TBPL1: variants seen among roughly 807,000 people sequenced by gnomAD.
The protein encoded by TBPL1 is TATA-box binding protein like 1.
In TBPL1, 4 loss-of-function variants were observed where a neutral mutation model predicts 22.1. The observed-to-expected ratio is 0.18, with a 90% CI of 0.09 to 0.41. The LOEUF is 0.41. Among genes scored for constraint, TBPL1 ranks in the 10% least tolerant of loss-of-function variants. The pLI is 1.00. For missense variants in TBPL1, 115 were observed against 222.3 expected (o/e 0.52, Z 3.07); for synonymous variants, 64 against 71.0 (o/e 0.90, Z 0.50).
intron 1 of TBPL1, among the ~76,000 whole-genome samples, chr6:133,967,339 G>A (rs983391072): frequency 3.9e-5 from 6 of 152,088 alleles, no homozygotes; most frequent in African/African-American, 9.7e-5. Context: ...TAGATTAAGC[G>A]GGCAAAAGGT....
chr6:133,956,533 A>C (rs1193165478), intron 1 of TBPL1, among the ~76,000 whole-genome samples: 3 of 151,314 alleles, frequency 2.0e-5, no homozygotes, highest in Non-Finnish European at 4.4e-5. Flanking sequence ...CTAAACTAGA[A>C]GTTTCTTGAG....
intron 1 of TBPL1, among the ~76,000 whole-genome samples, chr6:133,972,469 C>CAGT (rs1253855967): frequency 6.6e-6 from 1 of 152,158 alleles, no homozygotes; most frequent in Non-Finnish European, 1.5e-5. Context: ...TGGGCTTGTC[C>CAGT]AGTAATCAGC....
chr6:133,967,088 C>T (rs986714640), intron 1 of TBPL1, among the ~76,000 whole-genome samples: 1 of 152,198 alleles, frequency 6.6e-6, no homozygotes, highest in Non-Finnish European at 1.5e-5. Context: ...CTTTTCTCAC[C>T]GTAGCCATGC....
chr6:133,984,800 C>A (rs997909143), intron 6 of TBPL1, 129 bp downstream of exon 6: 1 of 737,654 alleles, frequency 1.4e-6, no homozygotes, highest in East Asian at 2.7e-5. Context: ...AACCAGTCTC[C>A]TGACTTTTAA....
intron 6 of TBPL1, among the ~76,000 whole-genome samples, chr6:133,985,048 G>A (rs1776482761): frequency 6.6e-6 from 1 of 151,662 alleles, no homozygotes; most frequent in Admixed American, 6.6e-5. Flanking sequence ...GGAAGGCTGA[G>A]GCGGGCTTAT....
intron 2 of TBPL1, among the ~76,000 whole-genome samples, chr6:133,982,087 A>G (rs930397427): frequency 6.6e-6 from 1 of 152,222 alleles, no homozygotes; most frequent in African/African-American, 2.4e-5. Flanking sequence ...CAATGAAGGG[A>G]TGGGTGTTTC....
chr6:133,966,864 G>T (rs911265946), intron 1 of TBPL1, among the ~76,000 whole-genome samples: 32 of 152,186 alleles, frequency 2.1e-4, no homozygotes, highest in African/African-American at 7.5e-4. Context: ...TGCCTGGACT[G>T]CTGTGCTACC....
chr6:133,986,694 A>G lies in TBPL1; in HGVS notation c.482-267A>G, dbSNP rs183217511. Among the ~76,000 whole-genome samples, 368 of 152,238 alleles carry G rather than the reference A, an allele frequency of 2.4e-3. 2 individuals carry two copies. Among genetic ancestry groups the G allele is most frequent in the Admixed American group, 4.9e-3 (75 of 15,276 alleles). On this transcript the variant is annotated intron_variant, in intron 6 of 6. Coordinates refer to ENST00000237264, the MANE Select transcript of TBPL1 (RefSeq NM_004865.4). ...TACATATTATATTACAGTGCTTTTT[A>G]TATTAGTCCATGATAGTTTGTATGC...
intron 4 of TBPL1, among the ~76,000 whole-genome samples, chr6:133,983,223 A>G (rs1207887615): frequency 6.6e-6 from 1 of 152,254 alleles, no homozygotes; most frequent in Non-Finnish European, 1.5e-5. Context: ...CAGAATGGTG[A>G]ATAGAGAATG....
intron 1 of TBPL1, among the ~76,000 whole-genome samples, chr6:133,958,785 A>C (rs915124072): frequency 6.6e-6 from 1 of 152,142 alleles, no homozygotes; most frequent in African/African-American, 2.4e-5. Flanking sequence ...AAAATATATT[A>C]TTAAAAGCAT....
rs1776591192 is a variant in TBPL1 at position 133,989,591 on chromosome 6, G to T, written c.*2551G>T. The T allele has an allele frequency of 6.6e-6, 1 of 152,078 alleles. No individual in the cohort carries two copies. The highest frequency in any genetic ancestry group is 2.4e-5 in the African/African-American group (1 of 41,408). 9.4% of individuals were successfully genotyped at this position (152,078 alleles called of 1,614,324 possible). ...TTTGCGTATGAAATACACCATGATA[G>T]AATTGAGATCTCCAATCTCCTTTCC... On this transcript the variant is annotated 3_prime_UTR_variant, in exon 7 of 7. Coordinates refer to ENST00000237264, the MANE Select transcript of TBPL1 (RefSeq NM_004865.4).
At position 133,970,827 on chromosome 6, in the gene TBPL1, T is replaced by G. The variant is rs182192770; in HGVS notation, c.-44-9255T>G. Among the ~76,000 whole-genome samples the G allele has an allele frequency of 3.9e-5, 6 of 152,204 alleles. No individual in the cohort carries two copies. The East Asian group carries it at 1.2e-3, about 29-fold the overall frequency. On this transcript the variant is annotated intron_variant, in intron 1 of 6. Transcript: ENST00000237264. ...TGTTGCCCAGGCTGGTTTTTTATTT[T>G]TTAATTGACACATGATTGTACATAT...
chr6:133,977,845 G>A (rs1776341170), intron 1 of TBPL1, among the ~76,000 whole-genome samples: 1 of 152,196 alleles, frequency 6.6e-6, no homozygotes, highest in African/African-American at 2.4e-5. Context: ...TGCAAAATTG[G>A]CTACTTGAGC....
chr6:133,971,889 A>G (rs1331256364), intron 1 of TBPL1, among the ~76,000 whole-genome samples: 2 of 152,164 alleles, frequency 1.3e-5, no homozygotes, highest in South Asian at 2.1e-4. Flanking sequence ...TTGGCTTTTC[A>G]CCCTGTTAAT....
chr6:133,962,391 AC>A (rs1277200650), intron 1 of TBPL1, among the ~76,000 whole-genome samples: 2 of 152,178 alleles, frequency 1.3e-5, no homozygotes, highest in Non-Finnish European at 2.9e-5. Context: ...CTAAAATAAA[AC>A]GTTGCTTTGG....
At chr6:133,974,616 C>T (rs1332917652) in intron 1 of TBPL1, among the ~76,000 whole-genome samples, 1 of 152,226 alleles carries the variant, frequency 6.6e-6, no homozygotes, top group Non-Finnish European at 1.5e-5. Flanking sequence ...CGTAAGCCAC[C>T]GTGCCCAGAC....
chr6:133,974,266 A>C (rs1355311580), intron 1 of TBPL1, among the ~76,000 whole-genome samples: 1 of 152,184 alleles, frequency 6.6e-6, no homozygotes, highest in Non-Finnish European at 1.5e-5. Context: ...GTTCCTTTTC[A>C]TTGGATGTGC....
chr6:133,958,146 T>C (rs1775958566), intron 1 of TBPL1, among the ~76,000 whole-genome samples: 1 of 152,230 alleles, frequency 6.6e-6, no homozygotes, highest in African/African-American at 2.4e-5. Flanking sequence ...CGACAAAGCC[T>C]GGGCTGGCAC....
chr6:133,956,123 C>T (rs1775921419), intron 1 of TBPL1, among the ~76,000 whole-genome samples: 1 of 152,042 alleles, frequency 6.6e-6, no homozygotes, highest in African/African-American at 2.4e-5. Context: ...TGATTGATTT[C>T]CTTCTGTTTC....
Sources: allele counts gnomAD v4.1 joint callset (sites outside exome capture counted in the v4.1 genomes callset), GRCh38; gene constraint gnomAD v4.1.1; transcripts MANE v1.5; gene names NCBI Gene and HGNC (gene_info 2026-07-23, HGNC 2026-07-21).